The following ZPBP variants were observed in gnomAD, a reference collection of about 807,000 sequenced individuals.
ZPBP encodes the protein zona pellucida-binding protein 1.
ZPBP carries 26 observed loss-of-function variants against 44.8 expected under a neutral mutation model. The ratio of observed to expected loss-of-function variants is 0.58; its 90% CI spans 0.43 to 0.81. The LOEUF (loss-of-function observed/expected upper bound fraction) is 0.81. Among genes scored for constraint, ZPBP ranks in the 30% least tolerant of loss-of-function variants. The pLI, the probability that ZPBP is intolerant of heterozygous loss-of-function variation, is 0.00. For synonymous variants in ZPBP, 174 were observed against 153.2 expected (o/e 1.14, Z -1.00); for missense variants, 409 against 434.0 (o/e 0.94, Z 0.51).
At chr7:49,922,032 A>G (rs376685624) in intron 1 of ZPBP, 4 of 152,212 alleles carry the variant, frequency 2.6e-5, no homozygotes, top group East Asian at 3.8e-4. Flanking sequence ...AGCAAGATAA[A>G]TAAAATGTAT....
chr7:49,880,097 G>C (rs374271881), intron 2 of ZPBP, among the ~76,000 whole-genome samples: 101 of 152,074 alleles, frequency 6.6e-4, no homozygotes, highest in Non-Finnish European at 1.3e-3. Context: ...AATAACTCCC[G>C]TTAGATTTTG....
At chr7:50,092,288 T>C (rs1459544157) in intron 1 of ZPBP, among the ~76,000 whole-genome samples, 1 of 152,234 alleles carries the variant, frequency 6.6e-6, no homozygotes, top group African/African-American at 2.4e-5. Flanking sequence ...TCCTGATGCC[T>C]GGACTTTGAT....
chr7:49,930,723 G>A (rs1794416962), intron 1 of ZPBP, among the ~76,000 whole-genome samples: 1 of 152,054 alleles, frequency 6.6e-6, no homozygotes, highest in Non-Finnish European at 1.5e-5. Context: ...TTCTACTTCT[G>A]AGTATTTAGC....
At chr7:49,848,380 G>A (rs1018310551), downstream of ZPBP, among the ~76,000 whole-genome samples, 1 of 152,180 alleles carries the variant, frequency 6.6e-6, no homozygotes. Flanking sequence ...GGAAGCAGGC[G>A]ACGCCCTGCA....
the ZPBP span, among the ~76,000 whole-genome samples, chr7:49,842,057 G>A: frequency 1.3e-5 from 2 of 152,044 alleles, 1 homozygote; most frequent in South Asian, 4.1e-4. Flanking sequence ...TAGTAGAAAC[G>A]AGGTTTCACC....
intron 4 of ZPBP, among the ~76,000 whole-genome samples, chr7:50,057,324 TC>T (rs1355044001): frequency 3.3e-5 from 5 of 151,734 alleles, no homozygotes; most frequent in African/African-American, 9.7e-5. Flanking sequence ...CACACAACTC[TC>T]CCTCCCAGAT....
At position 50,018,273 on chromosome 7, in the gene ZPBP, G is replaced by C; in HGVS notation, c.750C>G (p.Asp250Glu). 6.2e-7 allele frequency: 1 copy of C among 1,610,676 alleles called. No individual in the cohort carries two copies. Among genetic ancestry groups the C allele is most frequent in the Non-Finnish European group, 8.5e-7 (1 of 1,178,836 alleles). The change falls in exon 6 of 8, where the codon GAC becomes GAG. Residue 250 changes from aspartate to glutamate, a missense_variant. Coordinates refer to ENST00000046087, the MANE Select transcript of ZPBP (RefSeq NM_007009.3). ...GTCTTTTGTAAGGTTCACAGTTATGGTCTGTACATCGCTTGGGTCCTTTTT... is the reference window on the plus strand; with the variant it reads ...GTCTTTTGTAAGGTTCACAGTTATGCTCTGTACATCGCTTGGGTCCTTTTT... Reference protein sequence around the residue: ...DTEKGPKRCTDHNCEPYKRLF... With the variant: ...DTEKGPKRCTEHNCEPYKRLF...
chr7:50,030,963 A>G (rs1799579663), intron 5 of ZPBP, 129 bp downstream of exon 5: 1 of 789,168 alleles, frequency 1.3e-6, no homozygotes, highest in South Asian at 1.7e-5. Context: ...GTCAAAGTAG[A>G]GAACAAAATA....
At position 50,031,675 on chromosome 7, in the gene ZPBP, C is replaced by G. The variant is rs547765982; in HGVS notation, c.488-365G>C. On this transcript the variant is annotated intron_variant, in intron 4 of 7. Coordinates refer to ENST00000046087, the MANE Select transcript of ZPBP (RefSeq NM_007009.3). Reference sequence around the variant, plus strand: ...CTCTTTTATTTACCTCAACACTATGCTGCTCAAACTCAGGTACAACACTTC... The same window carrying G: ...CTCTTTTATTTACCTCAACACTATGGTGCTCAAACTCAGGTACAACACTTC... Among the ~76,000 whole-genome samples the G allele has an allele frequency of 1.1e-3, 170 of 152,250 alleles. 1 individual carries two copies. Among genetic ancestry groups the G allele is most frequent in the African/African-American group, 3.9e-3 (161 of 41,568 alleles).
chr7:49,977,101 C>CTAAAAAAATAAATAAA (rs1554359248), intron 7 of ZPBP, among the ~76,000 whole-genome samples: 1 of 138,506 alleles, frequency 7.2e-6, no homozygotes, highest in African/African-American at 2.8e-5. Flanking sequence ...GACTCCGTCT[C>CTAAAAAAATAAATAAA]TAAATAAATA....
rs373805796 is a variant in ZPBP at position 49,878,137 on chromosome 7, C to T, written n.509+22981G>A. 7.6e-4 allele frequency among the ~76,000 whole-genome samples: 115 copies of T among 152,242 alleles called. 3 individuals carry two copies. The South Asian group carries it at 0.024, about 32-fold the overall frequency. ...TAATGTTAATTGGTGCTTCTACCCA[C>T]AGCCTGGGCCACACTCAGGCTTCAG... On this transcript the variant is annotated intron_variant and non_coding_transcript_variant, in intron 2 of 2. Transcript: ENST00000465922.
rs748289283 is a variant in ZPBP at position 50,081,841 on chromosome 7, T to C, written c.267A>G (p.Gln89=). ...KSPHVLCVTQ[Q]LRNAELIDPS... ...GGTCTATCAGTTCAGCATTTCGCAGTTGTTGCGTTACACATAACACGTGTG... is the reference window on the plus strand; with the variant it reads ...GGTCTATCAGTTCAGCATTTCGCAGCTGTTGCGTTACACATAACACGTGTG... Residue 89 remains glutamine (Q), a synonymous_variant, in exon 3 of 8, where the codon CAA becomes CAG. Coordinates refer to ENST00000046087, the MANE Select transcript of ZPBP (RefSeq NM_007009.3). The C allele has an allele frequency of 1.2e-6, 2 of 1,611,546 alleles. No individual in the cohort carries two copies. The highest frequency in any genetic ancestry group is 1.3e-5 in the African/African-American group (1 of 74,818).
At chr7:49,904,952 T>C (rs1583803573) in intron 1 of ZPBP, among the ~76,000 whole-genome samples, 1 of 152,044 alleles carries the variant, frequency 6.6e-6, no homozygotes, top group African/African-American at 2.4e-5. Context: ...GCCAGGCTGG[T>C]CTTGAACTCC....
intron 6 of ZPBP, among the ~76,000 whole-genome samples, chr7:50,009,681 A>G (rs1240061756): frequency 6.6e-6 from 1 of 152,132 alleles, no homozygotes; most frequent in Non-Finnish European, 1.5e-5. Context: ...CAGAGGAAAC[A>G]ATGAAACTAT....
At chr7:50,037,963 G>A (rs2128815712) in intron 4 of ZPBP, among the ~76,000 whole-genome samples, 1 of 152,272 alleles carries the variant, frequency 6.6e-6, no homozygotes, top group East Asian at 1.9e-4. Flanking sequence ...TGGCTGAGAG[G>A]TGATGGCTAC....
chr7:49,981,289 A>AT (rs538817413), intron 7 of ZPBP, among the ~76,000 whole-genome samples: 1 of 74,848 alleles, frequency 1.3e-5, no homozygotes, highest in Non-Finnish European at 2.5e-5. Flanking sequence ...TATATTATAT[A>AT]ATATATATTA....
chr7:49,867,920 G>GC (rs922113427), intron 2 of ZPBP, among the ~76,000 whole-genome samples: 7 of 151,146 alleles, frequency 4.6e-5, no homozygotes, highest in Non-Finnish European at 1.0e-4. Context: ...TGCAATCTCC[G>GC]CCTCCCAAGT....
At chr7:50,069,343 T>C (rs1584165769) in intron 3 of ZPBP, among the ~76,000 whole-genome samples, 1 of 152,178 alleles carries the variant, frequency 6.6e-6, no homozygotes, top group Admixed American at 6.5e-5. Flanking sequence ...GGCTTGGCGG[T>C]GCTACAAGCC....
chr7:50,049,496 G>A (rs920496621), intron 4 of ZPBP, among the ~76,000 whole-genome samples: 1 of 151,402 alleles, frequency 6.6e-6, no homozygotes, highest in Non-Finnish European at 1.5e-5. Flanking sequence ...ATGCAAGTTT[G>A]GGTTAATATT....
Sources: allele counts gnomAD v4.1 joint callset (sites outside exome capture counted in the v4.1 genomes callset), GRCh38; gene constraint gnomAD v4.1.1; transcripts MANE v1.5; gene names NCBI Gene and HGNC (gene_info 2026-07-23, HGNC 2026-07-21).